Variants in STMN3 observed in about 807,000 individuals in gnomAD.
STMN3 encodes the protein stathmin-3.
Under a neutral mutation model 23.2 loss-of-function variants are expected in STMN3, and 24 were observed. The observed-to-expected ratio is 1.03, with a 90% CI of 0.75 to 1.45. The LOEUF is 1.45. Ranked by LOEUF, STMN3 falls within the 40% of genes most tolerant of loss-of-function variation. STMN3 has a pLI of 0.00. For synonymous variants in STMN3, 117 were observed against 103.4 expected, an observed-to-expected ratio of 1.13 and a Z score of -0.80; for missense variants, 235 against 237.6, an observed-to-expected ratio of 0.99 and a Z score of 0.07.
chr20:63,652,846 C>T lies in STMN3; in HGVS notation c.19+481G>A, dbSNP rs534159766. On this transcript the variant is annotated intron_variant, in intron 1 of 4. Coordinates refer to ENST00000370053, the MANE Select transcript of STMN3 (RefSeq NM_015894.4). This position sits in a 1 kb window ranked among gnomAD's most constrained non-coding sequence, Gnocchi z 5.3. The stretch of plus-strand genomic sequence containing the variant: ...CCTCCTTCAGCGCCCCCTCCAGCCC[C>T]TGTGCTGCACTGGCGCGGGGAGCGC... 1.1e-6 allele frequency: 1 copy of T among 951,670 alleles called. No individual in the cohort carries two copies. The highest frequency in any genetic ancestry group is 1.3e-6 in the Non-Finnish European group (1 of 799,030). 59.0% of individuals were successfully genotyped at this position (951,670 alleles called of 1,614,324 possible). A position where few individuals can be genotyped will look rare whatever the true frequency, so the allele number is the denominator to read the frequency against.
At chr20:63,641,710 G>A (rs1246837473) in intron 4 of STMN3, among the ~76,000 whole-genome samples, 2 of 152,196 alleles carry the variant, frequency 1.3e-5, no homozygotes, top group Non-Finnish European at 2.9e-5. Flanking sequence ...TGTCCCGCCA[G>A]GACCAGACTC....
chr20:63,647,757 TATATATAC>T (rs1352045501), intron 1 of STMN3, among the ~76,000 whole-genome samples: 10 of 126,112 alleles, frequency 7.9e-5, no homozygotes, highest in South Asian at 2.2e-4. Context: ...ATATATATAA[TATATATAC>T]ATATATACAC....
intron 1 of STMN3, among the ~76,000 whole-genome samples, chr20:63,653,074 C>A (rs1159457657): frequency 6.6e-6 from 1 of 151,494 alleles, no homozygotes; most frequent in Non-Finnish European, 1.5e-5. Context: ...ACGCTGCTCC[C>A]CCAGGGGCGA....
intron 1 of STMN3, among the ~76,000 whole-genome samples, chr20:63,649,658 A>G (rs1263963521): frequency 6.8e-6 from 1 of 146,288 alleles, no homozygotes; most frequent in African/African-American, 2.6e-5. Context: ...AGCCTCCCGA[A>G]TAGCTGGGAC....
chr20:63,642,323 G>T, intron 3 of STMN3, 24 bp from the exon 4 acceptor site: 1 of 1,430,886 alleles, frequency 7.0e-7, no homozygotes, highest in Non-Finnish European at 9.2e-7. Context: ...GCGGGCGCGC[G>T]TGAGCGGCAA....
At chr20:63,641,900 G>A (rs1208300625) in intron 4 of STMN3, among the ~76,000 whole-genome samples, 4 of 107,866 alleles carry the variant, frequency 3.7e-5, no homozygotes, top group African/African-American at 7.0e-5. Flanking sequence ...CCCCCGCCCC[G>A]GCCCCTGCCC....
intron 2 of STMN3, 91 bp from the exon 3 acceptor site, chr20:63,644,022 G>C: frequency 6.5e-7 from 1 of 1,533,548 alleles, no homozygotes; most frequent in African/African-American, 1.4e-5. Context: ...TCCAACCCCA[G>C]GGCTGGGCGA....
chr20:63,653,158 C>T (rs1052727190), intron 1 of STMN3, among the ~76,000 whole-genome samples, 169 bp downstream of exon 1: 9 of 151,434 alleles, frequency 5.9e-5, no homozygotes, highest in African/African-American at 2.2e-4. Flanking sequence ...CCCACCAGCC[C>T]CGCCGGCGCC....
At chr20:63,647,936 ATGTG>A (rs1555897526) in intron 1 of STMN3, among the ~76,000 whole-genome samples, 1 of 80,836 alleles carries the variant, frequency 1.2e-5, no homozygotes, top group East Asian at 2.2e-4. Flanking sequence ...ATACGTATAT[ATGTG>A]TGTGTGTGTA....
intron 2 of STMN3, 86 bp from the exon 3 acceptor site, chr20:63,644,017 C>T: frequency 6.5e-7 from 1 of 1,542,748 alleles, no homozygotes; most frequent in Non-Finnish European, 8.7e-7. Flanking sequence ...ACACATCCAA[C>T]CCCAGGGCTG....
chr20:63,645,187 C>G (rs1383102508), intron 1 of STMN3, among the ~76,000 whole-genome samples: 1 of 152,206 alleles, frequency 6.6e-6, no homozygotes, highest in Non-Finnish European at 1.5e-5. Flanking sequence ...TCCTCGCCAG[C>G]TCAAGCAGGC....
intron 1 of STMN3, among the ~76,000 whole-genome samples, chr20:63,646,291 G>A (rs1195332296): frequency 6.6e-6 from 1 of 152,098 alleles, no homozygotes; most frequent in African/African-American, 2.4e-5. Context: ...TTGTCTTCAG[G>A]GAGGGAGATG....
chr20:63,642,159 C>T lies in STMN3; in HGVS notation c.432G>A (p.Lys144=), dbSNP rs747846344. Residue 144 remains lysine (K), a synonymous_variant, in exon 4 of 5, where the codon AAG becomes AAA. Coordinates refer to ENST00000370053, the MANE Select transcript of STMN3 (RefSeq NM_015894.4). ...CGGCCAGGTGTGCCTCGCGGATCTCCTTGCTGAGCTCCATCTTGTAGTTGA... is the reference window on the plus strand; with the variant it reads ...CGGCCAGGTGTGCCTCGCGGATCTCTTTGCTGAGCTCCATCTTGTAGTTGA... ...EKLNYKMELS[K]EIREAHLAAL... 5.2e-6 allele frequency: 8 copies of T among 1,552,930 alleles called. No homozygotes were observed. The highest frequency in any genetic ancestry group is 1.9e-5 in the Admixed American group (1 of 52,108).
intron 1 of STMN3, among the ~76,000 whole-genome samples, chr20:63,647,930 G>GTATATA (rs369925756): frequency 1.5e-5 from 1 of 64,842 alleles, no homozygotes; most frequent in Non-Finnish European, 3.1e-5. Context: ...ATATATATAC[G>GTATATA]TATATATGTG....
At chr20:63,647,704 ATATACACGTGTATATATAT>A (rs2089821650) in intron 1 of STMN3, among the ~76,000 whole-genome samples, 1 of 132,718 alleles carries the variant, frequency 7.5e-6, no homozygotes, top group African/African-American at 2.7e-5. Flanking sequence ...TATATAATAT[ATATACACGTGTATATATAT>A]TATATACATA....
chr20:63,644,007 A>G (rs1191432840), intron 2 of STMN3, 76 bp from the exon 3 acceptor site: 11 of 1,554,946 alleles, frequency 7.1e-6, no homozygotes, highest in Non-Finnish European at 6.9e-6. Flanking sequence ...TGCTCCCAGC[A>G]CACATCCAAC....
chr20:63,644,519 GCC>G (rs1330158011), intron 1 of STMN3, among the ~76,000 whole-genome samples: 1 of 150,478 alleles, frequency 6.6e-6, no homozygotes, highest in Non-Finnish European at 1.5e-5. Context: ...TGTGTCCCCT[GCC>G]TTCTGTCTCT....
intron 1 of STMN3, among the ~76,000 whole-genome samples, chr20:63,649,207 G>C (rs2089839502): frequency 1.3e-5 from 2 of 152,142 alleles, no homozygotes; most frequent in Non-Finnish European, 2.9e-5. Flanking sequence ...CCACAGGACG[G>C]AGCCTGGGAG....
At chr20:63,647,948 GTA>G (rs761022872) in intron 1 of STMN3, among the ~76,000 whole-genome samples, 13 of 63,830 alleles carry the variant, frequency 2.0e-4, no homozygotes, top group African/African-American at 4.7e-4. Context: ...GTGTGTGTGT[GTA>G]TATATATATG....
Sources: allele counts gnomAD v4.1 joint callset (sites outside exome capture counted in the v4.1 genomes callset), GRCh38; gene constraint gnomAD v4.1.1; non-coding constraint Gnocchi (gnomAD v3.1); transcripts MANE v1.5; gene names NCBI Gene and HGNC (gene_info 2026-07-23, HGNC 2026-07-21).